The following TRPM1 variants were observed in gnomAD, a reference collection of about 807,000 sequenced individuals.
TRPM1 encodes transient receptor potential cation channel subfamily M member 1.
Under a neutral mutation model 149.4 loss-of-function variants are expected in TRPM1, and 113 were observed. That is an observed-to-expected ratio of 0.76 (90% CI 0.65 to 0.88). The LOEUF is 0.88. TRPM1 is among the 40% of genes least tolerant of loss of function. The probability of loss-of-function intolerance (pLI) is 0.00; values close to 1 mark genes in which losing one functional copy is unlikely to be tolerated. For synonymous variants in TRPM1, 741 were observed against 759.5 expected, an observed-to-expected ratio of 0.98 and a Z score of 0.40; for missense variants, 1,976 against 2,038.7, an observed-to-expected ratio of 0.97 and a Z score of 0.59.
chr15:31,040,443 A>G lies in TRPM1; in HGVS notation c.2088-97T>C. On this transcript the variant is annotated intron_variant, in intron 17 of 27. Coordinates refer to ENST00000256552, the MANE Select transcript of TRPM1 (RefSeq NM_001252024.2). This position sits in a 1 kb window ranked among gnomAD's most constrained non-coding sequence, Gnocchi z 4.2. ...CCAAGGACTTATGGAGCCACGGGAC[A>G]CAGTATCCTTCACTGGAGGGGCTCT... 8.0e-6 allele frequency: 8 copies of G among 995,598 alleles called. No homozygotes were observed. Among genetic ancestry groups the G allele is most frequent in the Non-Finnish European group, 1.3e-5 (8 of 636,368 alleles). 61.7% of individuals were successfully genotyped at this position (995,598 alleles called of 1,614,324 possible).
intron 24 of TRPM1, 52 bp from the exon 25 acceptor site, chr15:31,028,528 T>C: frequency 1.3e-6 from 2 of 1,581,916 alleles, no homozygotes; most frequent in East Asian, 2.2e-5. Flanking sequence ...ATGAAAAGGA[T>C]AAATATCTCT....
At chr15:31,034,404 A>G (rs28668219) in intron 21 of TRPM1, among the ~76,000 whole-genome samples, 58,674 of 152,048 alleles carry the variant, frequency 0.39, 12,327 homozygotes, top group African/African-American at 0.55. Flanking sequence ...TGCCCACCCC[A>G]TCTGCTGCAG....
At chr15:31,150,586 G>A (rs560759326) in intron 1 of TRPM1, among the ~76,000 whole-genome samples, 8 of 152,022 alleles carry the variant, frequency 5.3e-5, no homozygotes, top group South Asian at 2.1e-4. Flanking sequence ...ATAGGCATGC[G>A]CACCACGCCC....
intron 1 of TRPM1, among the ~76,000 whole-genome samples, chr15:31,088,754 T>G (rs916828864): frequency 1.4e-5 from 2 of 147,498 alleles, no homozygotes; most frequent in African/African-American, 2.5e-5. Context: ...CTGCTACCTG[T>G]GGGAACGTTC....
At chr15:31,091,618 A>G (rs1163032159) in intron 1 of TRPM1, among the ~76,000 whole-genome samples, 2 of 152,096 alleles carry the variant, frequency 1.3e-5, no homozygotes, top group African/African-American at 4.8e-5. Flanking sequence ...GGTCCTACAG[A>G]GAAGAATAAG....
At chr15:31,114,742 T>C (rs1405209780) in intron 1 of TRPM1, among the ~76,000 whole-genome samples, 1 of 152,180 alleles carries the variant, frequency 6.6e-6, no homozygotes, top group African/African-American at 2.4e-5. Flanking sequence ...AAAAATATTC[T>C]TCCACAACAA....
In TRPM1 at chr15:31,101,719, G is replaced by A. The variant is rs1050196210; in HGVS notation, c.-146C>T. The stretch of plus-strand genomic sequence containing the variant: ...CTCTTTCAGCCTCCTCCTTGGCCAG[G>A]GCAGGGAGCTGGGTGAGGAGGGCCC... On this transcript the variant is annotated 5_prime_UTR_variant, in exon 1 of 28. Coordinates refer to ENST00000256552, the MANE Select transcript of TRPM1 (RefSeq NM_001252024.2). 4.9e-5 allele frequency: 48 copies of A among 985,820 alleles called. No individual in the cohort carries two copies. The highest frequency in any genetic ancestry group is 5.8e-5 in the Non-Finnish European group (48 of 830,340). 61.1% of individuals were successfully genotyped at this position (985,820 alleles called of 1,614,324 possible).
At chr15:31,032,648 GC>G in intron 22 of TRPM1, 40 bp downstream of exon 22, 1 of 1,613,920 alleles carries the variant, frequency 6.2e-7, no homozygotes, top group Non-Finnish European at 8.5e-7. Context: ...CCTAACTACA[GC>G]CAAAGTCTCT....
chr15:31,072,547 G>A (rs933567156), intron 3 of TRPM1, among the ~76,000 whole-genome samples: 3 of 152,070 alleles, frequency 2.0e-5, no homozygotes, highest in African/African-American at 7.2e-5. Flanking sequence ...ACTAGGCATG[G>A]GATTGCTGGG....
chr15:31,141,309 T>G (rs1240321279), intron 1 of TRPM1, among the ~76,000 whole-genome samples: 1 of 152,166 alleles, frequency 6.6e-6, no homozygotes, highest in East Asian at 1.9e-4. Flanking sequence ...GAAATTAAGA[T>G]TATTACATAT....
intron 2 of TRPM1, among the ~76,000 whole-genome samples, chr15:31,081,016 C>T (rs1333211870): frequency 6.6e-6 from 1 of 152,162 alleles, no homozygotes; most frequent in Non-Finnish European, 1.5e-5. Context: ...TGTTCCATCA[C>T]AAGGGGTGTT....
intron 1 of TRPM1, among the ~76,000 whole-genome samples, chr15:31,089,064 A>G (rs1268691769): frequency 6.6e-6 from 1 of 152,248 alleles, no homozygotes; most frequent in Non-Finnish European, 1.5e-5. Flanking sequence ...TAGGATAAGT[A>G]ACATTTAATG....
rs1396865296 is a variant in TRPM1 at position 31,027,005 on chromosome 15, A to C, written c.3406T>G (p.Leu1136Val). Reference sequence around the variant, plus strand: ...ATAATGATGATGTAGATGTGGCTTAAAATGATCATCGGTGGGGGCAGGACT... The same window carrying C: ...ATAATGATGATGTAGATGTGGCTTACAATGATCATCGGTGGGGGCAGGACT... ...RPVLPPPMIILSHIYIIIMRL... is the reference protein window; with the variant it reads ...RPVLPPPMIIVSHIYIIIMRL... Residue 1136 changes from leucine to valine, a missense_variant, in exon 26 of 28, where the codon TTA (leucine) becomes GTA (valine). Physicochemically the swap from Leu to Val is conservative, Grantham distance 32. Transcript: ENST00000256552. 6.2e-7 allele frequency: 1 copy of C among 1,614,126 alleles called. No individual in the cohort carries two copies. Among genetic ancestry groups the C allele is most frequent in the African/African-American group, 1.3e-5 (1 of 74,934 alleles).
intron 1 of TRPM1, among the ~76,000 whole-genome samples, chr15:31,112,716 G>A (rs146499316): frequency 1.3e-4 from 20 of 152,186 alleles, no homozygotes; most frequent in Middle Eastern, 3.4e-3. Flanking sequence ...CGGCCTCTTA[G>A]AGCTCAGGCA....
At chr15:31,142,429 T>C (rs1419713718) in intron 1 of TRPM1, among the ~76,000 whole-genome samples, 1 of 152,224 alleles carries the variant, frequency 6.6e-6, no homozygotes, top group East Asian at 1.9e-4. Flanking sequence ...ATCTTGTAGG[T>C]AATTGGCCTA....
At chr15:31,159,498 A>G (rs1256798648) in intron 1 of TRPM1, among the ~76,000 whole-genome samples, 2 of 152,148 alleles carry the variant, frequency 1.3e-5, no homozygotes, top group Non-Finnish European at 2.9e-5. Flanking sequence ...GCGAATGTGA[A>G]CTTACACAAG....
chr15:31,048,288 TAA>T (rs2033840740), intron 13 of TRPM1, among the ~76,000 whole-genome samples: 2 of 152,062 alleles, frequency 1.3e-5, no homozygotes, highest in Admixed American at 6.6e-5. Context: ...AATAAATAAA[TAA>T]GTTTTTTTCT....
At chr15:31,094,697 T>TA (rs1225905775) in intron 1 of TRPM1, among the ~76,000 whole-genome samples, 2 of 152,124 alleles carry the variant, frequency 1.3e-5, no homozygotes, top group African/African-American at 4.8e-5. Flanking sequence ...TGATTATAAT[T>TA]AAAAACATCC....
intron 1 of TRPM1, among the ~76,000 whole-genome samples, chr15:31,081,650 A>G (rs550036416): frequency 6.6e-6 from 1 of 151,450 alleles, no homozygotes; most frequent in African/African-American, 2.4e-5. Context: ...CTCCTCCCCA[A>G]CCTCGCACCA....
Sources: allele counts gnomAD v4.1 joint callset (sites outside exome capture counted in the v4.1 genomes callset), GRCh38; gene constraint gnomAD v4.1.1; non-coding constraint Gnocchi (gnomAD v3.1); transcripts MANE v1.5; gene names NCBI Gene and HGNC (gene_info 2026-07-23, HGNC 2026-07-21).